GLI2: variants seen among roughly 807,000 people sequenced by gnomAD.
GLI2 encodes GLI family zinc finger 2, also known as transcription activator GLI2.
Under a neutral mutation model 78.9 loss-of-function variants are expected in GLI2, and 22 were observed. That is an observed-to-expected ratio of 0.28 (90% confidence interval 0.20 to 0.40). The LOEUF is 0.40. Among genes scored for constraint, GLI2 ranks in the 10% least tolerant of loss-of-function variants. GLI2 has a pLI of 1.00. For missense variants in GLI2, 2,097 were observed against 2,213.2 expected, an observed-to-expected ratio of 0.95 and a Z score of 1.05; for synonymous variants, 974 against 963.7, an observed-to-expected ratio of 1.01 and a Z score of -0.20.
chr2:120,976,697 G>C (rs1056286573), intron 9 of GLI2, among the ~76,000 whole-genome samples: 1 of 152,214 alleles, frequency 6.6e-6, no homozygotes, highest in Admixed American at 6.5e-5. Flanking sequence ...TGAATGCGGA[G>C]GGTCCCCAAA....
At chr2:120,762,129 C>A (rs1683233495) in intron 1 of GLI2, among the ~76,000 whole-genome samples, 2 of 152,132 alleles carry the variant, frequency 1.3e-5, no homozygotes, top group Admixed American at 1.3e-4. Context: ...CATAATGAGA[C>A]CGAGTAGCCC....
chr2:120,756,692 A>G (rs1280102578), intron 1 of GLI2, among the ~76,000 whole-genome samples: 1 of 152,204 alleles, frequency 6.6e-6, no homozygotes, highest in Non-Finnish European at 1.5e-5. Context: ...TATTAGGTGC[A>G]TAGATGTTTA....
chr2:120,989,936 C>T lies in GLI2; in HGVS notation c.3971C>T (p.Pro1324Leu), dbSNP rs999363736. Residue 1324 changes from proline (P) to leucine (L), a missense_variant, in exon 14 of 14, where the codon CCC (proline) becomes CTC (leucine). Pro to Leu is a moderately conservative substitution (Grantham distance 98, BLOSUM62 -3). Transcript: ENST00000361492. ...AGCCAGGAGGGCTACCACCAGGTCCCCAGCCTTCTGCCTGCCCGCCAGCCT... is the reference window on the plus strand; with the variant it reads ...AGCCAGGAGGGCTACCACCAGGTCCTCAGCCTTCTGCCTGCCCGCCAGCCT... ...SMSQEGYHQV[P>L]SLLPARQPGF... 6.2e-7 allele frequency: 1 copy of T among 1,611,660 alleles called. No individual in the cohort carries two copies. The highest frequency in any genetic ancestry group is 8.5e-7 in the Non-Finnish European group (1 of 1,179,446).
chr2:120,971,642 A>G (rs1020806894), intron 7 of GLI2, among the ~76,000 whole-genome samples: 15 of 152,224 alleles, frequency 9.9e-5, no homozygotes, highest in Non-Finnish European at 2.2e-4. Flanking sequence ...GAGCCTGGTC[A>G]GAACAGGAGC....
chr2:120,985,259 G>C (rs539299447), intron 12 of GLI2, among the ~76,000 whole-genome samples: 3 of 152,352 alleles, frequency 2.0e-5, no homozygotes, highest in East Asian at 3.9e-4. Flanking sequence ...AGGGTGGCTG[G>C]GGAGCCGGTC....
chr2:120,803,494 C>T (rs920092117), intron 2 of GLI2, among the ~76,000 whole-genome samples: 2 of 152,188 alleles, frequency 1.3e-5, no homozygotes, highest in Admixed American at 6.5e-5. Context: ...ACTGGTAACC[C>T]TTGCCTGCTG....
chr2:120,804,249 G>A (rs989548138), intron 2 of GLI2, among the ~76,000 whole-genome samples: 3 of 152,122 alleles, frequency 2.0e-5, no homozygotes, highest in African/African-American at 7.2e-5. Flanking sequence ...CCCCTCCATT[G>A]GTACGTACCT....
At chr2:120,848,111 C>G (rs1397545280) in intron 2 of GLI2, among the ~76,000 whole-genome samples, 1 of 152,210 alleles carries the variant, frequency 6.6e-6, no homozygotes, top group Non-Finnish European at 1.5e-5. Flanking sequence ...GGAGCTTGTC[C>G]GGCCCCCGCA....
chr2:120,840,243 T>C (rs1056643507), intron 2 of GLI2, among the ~76,000 whole-genome samples: 38 of 152,246 alleles, frequency 2.5e-4, no homozygotes, highest in Admixed American at 1.2e-3. Context: ...CTTCTGTCCA[T>C]TCTCTCTTCC....
At chr2:120,926,428 C>T (rs1463522545) in intron 2 of GLI2, among the ~76,000 whole-genome samples, 2 of 152,140 alleles carry the variant, frequency 1.3e-5, no homozygotes, top group Non-Finnish European at 2.9e-5. Flanking sequence ...TATCACAAAC[C>T]CATCCACATT....
chr2:120,990,705 C>G lies in GLI2; in HGVS notation c.*30C>G. ...CCGAGCGCCTGGTGCTGAGTGCACC[C>G]GGAGGGGTCATCGCTGCCCAGAGCC... On this transcript the variant is annotated 3_prime_UTR_variant, in exon 14 of 14. Transcript: ENST00000361492. 6.3e-7 allele frequency: 1 copy of G among 1,576,296 alleles called. No individual in the cohort carries two copies. The highest frequency in any genetic ancestry group is 8.7e-7 in the Non-Finnish European group (1 of 1,152,254).
intron 2 of GLI2, among the ~76,000 whole-genome samples, chr2:120,920,345 G>A (rs984759291): frequency 7.9e-5 from 12 of 152,250 alleles, no homozygotes; most frequent in African/African-American, 2.9e-4. Flanking sequence ...GCTGATGGAG[G>A]CCGCCTGGTC....
intron 2 of GLI2, among the ~76,000 whole-genome samples, chr2:120,807,367 T>G (rs2104717778): frequency 6.6e-6 from 1 of 152,278 alleles, no homozygotes; most frequent in Non-Finnish European, 1.5e-5. Context: ...GAGACTCCAG[T>G]GCTTAGAGGG....
At chr2:120,925,838 C>T (rs904796796) in intron 2 of GLI2, among the ~76,000 whole-genome samples, 5 of 151,744 alleles carry the variant, frequency 3.3e-5, no homozygotes, top group South Asian at 2.1e-4. Flanking sequence ...TTTGGGAGGC[C>T]GAGGCGGGCG....
Position 120,984,602 on chromosome 2 carries a change from C to A in GLI2, c.1764C>A (p.Leu588=). ...VTKKQRNDVH[L]RTPLLKENGD... ...AGAAGCAGCGCAATGACGTGCACCT[C>A]CGCACACCGCTGCTCAAAGAGAATG... is the stretch of plus-strand genomic sequence containing the variant. Residue 588 remains leucine (L), a synonymous_variant, in exon 12 of 14, where the codon CTC becomes CTA. Transcript: ENST00000361492. 3.1e-6 allele frequency: 5 copies of A among 1,614,248 alleles called. No homozygotes were observed. The highest frequency in any genetic ancestry group is 4.2e-6 in the Non-Finnish European group (5 of 1,180,038).
At chr2:120,962,865 G>A (rs908944570) in intron 5 of GLI2, among the ~76,000 whole-genome samples, 3 of 152,172 alleles carry the variant, frequency 2.0e-5, no homozygotes, top group Non-Finnish European at 4.4e-5. Flanking sequence ...TTTAAAAAAT[G>A]TGTTACGAAG....
intron 4 of GLI2, among the ~76,000 whole-genome samples, chr2:120,953,870 G>A (rs2104959259): frequency 6.6e-6 from 1 of 152,276 alleles, no homozygotes. Context: ...ATTTTAAAAA[G>A]GAGCTGGGGG....
intron 1 of GLI2, among the ~76,000 whole-genome samples, chr2:120,753,799 G>A (rs970712350): frequency 6.6e-6 from 1 of 151,804 alleles, no homozygotes. Context: ...TCGGGAGGCC[G>A]AGGCAGGAGA....
chr2:120,793,513 T>C (rs1031840708), intron 1 of GLI2, among the ~76,000 whole-genome samples: 2 of 152,202 alleles, frequency 1.3e-5, no homozygotes, highest in Non-Finnish European at 2.9e-5. Context: ...TGAAAGTGGC[T>C]GCCTGGGACC....
Sources: gnomAD v4.1 joint callset for allele counts (sites outside exome capture counted in the v4.1 genomes callset) on GRCh38, gnomAD v4.1.1 for gene constraint, MANE v1.5 for transcripts, NCBI Gene and HGNC (gene_info 2026-07-23, HGNC 2026-07-21) for gene names.